The following MYLK3 variants were observed in gnomAD, a reference collection of about 807,000 sequenced individuals.
MYLK3 encodes myosin light chain kinase 3, also known as MLC kinase.
Under a neutral mutation model 76.3 loss-of-function variants are expected in MYLK3, and 55 were observed. That is an observed-to-expected ratio of 0.72 (90% CI 0.58 to 0.90). The LOEUF (loss-of-function observed/expected upper bound fraction) is 0.90. MYLK3 is among the 40% of genes least tolerant of loss of function. The pLI is 0.00. For synonymous variants in MYLK3, 416 were observed against 425.4 expected (o/e 0.98, Z 0.27); for missense variants, 973 against 1,053.6 (o/e 0.92, Z 1.06).
intron 8 of MYLK3, among the ~76,000 whole-genome samples, chr16:46,724,854 T>C (rs1396260315): frequency 6.6e-6 from 1 of 152,212 alleles, no homozygotes; most frequent in Non-Finnish European, 1.5e-5. Flanking sequence ...TGATAAGGAT[T>C]ATGTTGAATC....
At chr16:46,707,832 C>T (rs1966642100) in intron 12 of MYLK3, 69 bp from the exon 13 acceptor site, 3 of 1,197,676 alleles carry the variant, frequency 2.5e-6, no homozygotes, top group Non-Finnish European at 1.2e-6. Flanking sequence ...TATGAAGAAA[C>T]AATAAAAGGA....
At chr16:46,756,909 G>A (rs949847452) in intron 1 of MYLK3, among the ~76,000 whole-genome samples, 4 of 152,218 alleles carry the variant, frequency 2.6e-5, no homozygotes, top group African/African-American at 4.8e-5. Flanking sequence ...CCTTCTCCCC[G>A]TCTGACCGCA....
chr16:46,709,712 G>C (rs1483067796), intron 11 of MYLK3, 41 bp from the exon 12 acceptor site: 1 of 1,597,354 alleles, frequency 6.3e-7, no homozygotes, highest in African/African-American at 1.4e-5. Context: ...AGTTGGAGTT[G>C]CCTTTTCTCA....
chr16:46,709,467 C>T (rs1328556163), intron 12 of MYLK3, 72 bp downstream of exon 12: 5 of 1,433,410 alleles, frequency 3.5e-6, no homozygotes, highest in African/African-American at 1.4e-5. Context: ...GAAAAGGAAA[C>T]TTAGCTACAG....
At chr16:46,731,125 G>A (rs1596760963) in intron 4 of MYLK3, among the ~76,000 whole-genome samples, 1 of 152,298 alleles carries the variant, frequency 6.6e-6, no homozygotes, top group East Asian at 1.9e-4. Flanking sequence ...GGAGGCAGCT[G>A]GAGAAATAAA....
intron 5 of MYLK3, 75 bp downstream of exon 5, chr16:46,730,518 A>C: frequency 1.6e-6 from 2 of 1,214,814 alleles, no homozygotes; most frequent in South Asian, 2.4e-5. Context: ...CACCCACCCC[A>C]GTTCTCCAGG....
chr16:46,727,153 T>G, intron 8 of MYLK3, 83 bp downstream of exon 8: 2 of 1,481,914 alleles, frequency 1.3e-6, no homozygotes, highest in Non-Finnish European at 1.8e-6. Context: ...TGGGACTGTC[T>G]GTGGATAGAG....
upstream of MYLK3, among the ~76,000 whole-genome samples, chr16:46,749,489 G>A (rs1310647103): frequency 2.6e-5 from 4 of 152,238 alleles, no homozygotes; most frequent in Admixed American, 6.5e-5. Context: ...TATTAGGGCC[G>A]GATGCAGTGG....
At chr16:46,745,440 T>C (rs2143016846) in intron 1 of MYLK3, among the ~76,000 whole-genome samples, 1 of 152,254 alleles carries the variant, frequency 6.6e-6, no homozygotes, top group South Asian at 2.1e-4. Flanking sequence ...TGAATAACAT[T>C]TGAATTAAAA....
chr16:46,762,611 G>A (rs532383406), intron 1 of MYLK3, among the ~76,000 whole-genome samples: 6 of 152,250 alleles, frequency 3.9e-5, no homozygotes, highest in East Asian at 1.9e-4. Context: ...CACATGTCAC[G>A]GGGAAGGAAC....
chr16:46,733,092 T>TG (rs1026458355), intron 3 of MYLK3, among the ~76,000 whole-genome samples: 2 of 152,226 alleles, frequency 1.3e-5, no homozygotes, highest in African/African-American at 4.8e-5. Context: ...CTGGGCACAG[T>TG]GGCTCACACC....
intron 4 of MYLK3, among the ~76,000 whole-genome samples, chr16:46,730,948 C>T (rs1966851481): frequency 6.6e-6 from 1 of 152,246 alleles, no homozygotes; most frequent in Admixed American, 6.5e-5. Context: ...CCGAGAAGTT[C>T]TATCCAGTCT....
At chr16:46,755,895 CTTT>C (rs374240796) in intron 1 of MYLK3, among the ~76,000 whole-genome samples, 9 of 134,208 alleles carry the variant, frequency 6.7e-5, no homozygotes, top group Non-Finnish European at 1.2e-4. Flanking sequence ...GTTCTTTTTT[CTTT>C]TTTCTTTCTT....
In MYLK3 at chr16:46,748,246, C is replaced by T. The variant is rs1967066028; in HGVS notation, c.-53G>A. On this transcript the variant is annotated 5_prime_UTR_variant, in exon 1 of 13. Transcript: ENST00000394809. This position sits in a 1 kb window ranked among gnomAD's most constrained non-coding sequence, Gnocchi z 4.3. Reference sequence around the variant, plus strand: ...GCGGGGAATGAGGAGAGGCACAGACCCCTGGTTCTCACTCAGGCGGTGGTG... The same window carrying T: ...GCGGGGAATGAGGAGAGGCACAGACTCCTGGTTCTCACTCAGGCGGTGGTG... 4 of 1,554,004 alleles carry T rather than the reference C, an allele frequency of 2.6e-6. No individual in the cohort carries two copies. The highest frequency in any genetic ancestry group is 3.5e-6 in the Non-Finnish European group (4 of 1,151,082).
rs754454223 is a variant in MYLK3 at position 46,710,773 on chromosome 16, G to C, written c.2131C>G (p.Pro711Ala). The C allele has an allele frequency of 4.3e-6, 7 of 1,613,920 alleles. No individual in the cohort carries two copies. The highest frequency in any genetic ancestry group is 1.1e-5 in the South Asian group (1 of 91,078). ...ITYMLLSGLS[P>A]FLGETDAETM... is the part of the protein sequence containing the mutation. ...TCTGCATCTGTTTCCCCTAGAAATG[G>C]GGACAAGCCACTGAGTCTATAGAAG... The change falls in exon 11 of 13, where the codon CCA (proline) becomes GCA (alanine). Residue 711 changes from proline to alanine, a missense_variant. By Grantham distance (27) the Pro-to-Ala change is conservative. Coordinates refer to ENST00000394809, the MANE Select transcript of MYLK3 (RefSeq NM_182493.3).
intron 9 of MYLK3, among the ~76,000 whole-genome samples, chr16:46,717,852 C>A (rs1164930598): frequency 6.6e-6 from 1 of 152,242 alleles, no homozygotes; most frequent in African/African-American, 2.4e-5. Flanking sequence ...GCCAACCGCT[C>A]AGAAAAGCCT....
intron 9 of MYLK3, among the ~76,000 whole-genome samples, chr16:46,714,222 C>T (rs1375377802): frequency 6.6e-6 from 1 of 152,164 alleles, no homozygotes; most frequent in African/African-American, 2.4e-5. Flanking sequence ...GCATCTCTTT[C>T]CCTCCTCCCA....
At chr16:46,752,626 C>T (rs931448165), upstream of MYLK3, among the ~76,000 whole-genome samples, 1 of 152,158 alleles carries the variant, frequency 6.6e-6, no homozygotes, top group Non-Finnish European at 1.5e-5. Flanking sequence ...TGTAACCCCA[C>T]ACTTTGGGAG....
chr16:46,728,927 G>T, intron 7 of MYLK3, 97 bp downstream of exon 7: 2 of 888,980 alleles, frequency 2.2e-6, no homozygotes, highest in Non-Finnish European at 3.7e-6. Flanking sequence ...CCAGGAAGGG[G>T]AAAGGAGAGA....
Sources: gnomAD v4.1 joint callset for allele counts (sites outside exome capture counted in the v4.1 genomes callset) on GRCh38, gnomAD v4.1.1 for gene constraint, Gnocchi (gnomAD v3.1) non-coding constraint, MANE v1.5 for transcripts, NCBI Gene and HGNC (gene_info 2026-07-23, HGNC 2026-07-21) for gene names.